MRPL48: variants seen among roughly 807,000 people sequenced by gnomAD.
MRPL48 encodes mitochondrial ribosomal protein L48.
A neutral mutation model predicts 32.9 loss-of-function variants in MRPL48; 16 were observed. That is an observed-to-expected ratio of 0.49 (90% CI 0.33 to 0.74). The LOEUF is 0.74. Among genes scored for constraint, MRPL48 ranks in the 30% least tolerant of loss-of-function variants. MRPL48 has a pLI of 0.02. For synonymous variants in MRPL48, 94 were observed against 89.2 expected (o/e 1.05, Z -0.31); for missense variants, 206 against 245.3 (o/e 0.84, Z 1.07).
At chr11:73,828,770 T>A (rs2444596) in intron 4 of MRPL48, among the ~76,000 whole-genome samples, 24 of 151,606 alleles carry the variant, frequency 1.6e-4, no homozygotes, top group Non-Finnish European at 2.2e-4. Flanking sequence ...TTTTTTTTTT[T>A]AAATACTAAG....
At chr11:73,826,743 G>A (rs958130580) in intron 4 of MRPL48, among the ~76,000 whole-genome samples, 1 of 150,414 alleles carries the variant, frequency 6.6e-6, no homozygotes, top group Admixed American at 6.7e-5. Flanking sequence ...ACCTCTGAAA[G>A]TGCTGGGATA....
intron 4 of MRPL48, among the ~76,000 whole-genome samples, chr11:73,826,313 G>T (rs1253967525): frequency 2.0e-5 from 3 of 151,788 alleles, no homozygotes; most frequent in Admixed American, 2.0e-4. Context: ...AGCCACCATG[G>T]CTGGCCTGAT....
chr11:73,825,282 ATATG>A (rs928397397), intron 3 of MRPL48, among the ~76,000 whole-genome samples: 5 of 97,344 alleles, frequency 5.1e-5, no homozygotes, highest in African/African-American at 1.7e-4. Flanking sequence ...TGTTTTTTAT[ATATG>A]TGTGTGTGTG....
intron 1 of MRPL48, among the ~76,000 whole-genome samples, chr11:73,793,560 A>G (rs1409698476): frequency 2.0e-5 from 3 of 152,200 alleles, no homozygotes; most frequent in African/African-American, 7.2e-5. Context: ...GATTTAGAGA[A>G]AATATATTCC....
rs1431036974 is a variant in MRPL48, at chr11:73,823,877, A to T, written c.113-1831A>T. On this transcript the variant is annotated intron_variant, in intron 3 of 7. Transcript: ENST00000310614. ...AAAGACCCCCCTTTTTTTTTTTGAG[A>T]CGGAGTCTGGGTCTGACACCCAGGC... is the stretch of plus-strand genomic sequence containing the variant. Among the ~76,000 whole-genome samples, 5 of 148,460 alleles carry T rather than the reference A, an allele frequency of 3.4e-5. No individual in the cohort carries two copies. In the East Asian group the frequency reaches 9.8e-4, roughly 29 times the overall value.
At chr11:73,801,740 A>G (rs1947366926) in intron 1 of MRPL48, among the ~76,000 whole-genome samples, 1 of 152,216 alleles carries the variant, frequency 6.6e-6, no homozygotes, top group South Asian at 2.1e-4. Context: ...GACTTTGGGT[A>G]GGTTACTTAA....
intron 1 of MRPL48, among the ~76,000 whole-genome samples, chr11:73,796,928 G>A (rs187208343): frequency 7.2e-5 from 11 of 152,304 alleles, no homozygotes; most frequent in Non-Finnish European, 1.3e-4. Flanking sequence ...TTAGCCGAGC[G>A]TGGTGGTGGG....
intron 3 of MRPL48, among the ~76,000 whole-genome samples, chr11:73,810,651 G>T (rs1947550590): frequency 6.6e-6 from 1 of 150,658 alleles, no homozygotes; most frequent in Non-Finnish European, 1.5e-5. Context: ...GTGGTTTACT[G>T]CACCCATCAA....
chr11:73,835,140 CTTTTTTTTTTTT>C (rs35448499), intron 4 of MRPL48, among the ~76,000 whole-genome samples: 1 of 108,476 alleles, frequency 9.2e-6, no homozygotes, highest in Non-Finnish European at 1.8e-5. Flanking sequence ...GCCATGTTGT[CTTTTTTTTTTTT>C]TTTTTTTTGA....
chr11:73,825,048 TTTTAATATAGTTA>T (rs755536569), intron 3 of MRPL48, among the ~76,000 whole-genome samples: 17 of 152,144 alleles, frequency 1.1e-4, no homozygotes, highest in Admixed American at 9.8e-4. Flanking sequence ...TAGAAAGAGG[TTTTAATATAGTTA>T]TTGTATGTTA....
At chr11:73,832,137 T>G (rs1214268898) in intron 4 of MRPL48, among the ~76,000 whole-genome samples, 1 of 152,046 alleles carries the variant, frequency 6.6e-6, no homozygotes, top group African/African-American at 2.4e-5. Context: ...GCAACATGAA[T>G]TTCTGTCACC....
chr11:73,817,176 A>G (rs1275730736), intron 3 of MRPL48, among the ~76,000 whole-genome samples: 2 of 152,138 alleles, frequency 1.3e-5, no homozygotes, highest in Non-Finnish European at 2.9e-5. Context: ...GGCACGTTAA[A>G]TGGCTATTGG....
chr11:73,794,227 T>TCTAC (rs764596681), intron 1 of MRPL48, among the ~76,000 whole-genome samples: 3 of 146,566 alleles, frequency 2.0e-5, no homozygotes, highest in Admixed American at 6.9e-5. Context: ...TATCTATCTA[T>TCTAC]CTAAACTATC....
chr11:73,816,524 G>A (rs1782344301), intron 3 of MRPL48, among the ~76,000 whole-genome samples: 2 of 151,980 alleles, frequency 1.3e-5, no homozygotes, highest in Admixed American at 6.6e-5. Flanking sequence ...AGAGAGCAAT[G>A]GCACGATCTT....
rs540001521 is a variant in MRPL48, at chr11:73,826,859, C to A, written c.201+1063C>A. 5.9e-5 allele frequency among the ~76,000 whole-genome samples: 9 copies of A among 151,464 alleles called. No homozygotes were observed. In the South Asian group the frequency reaches 1.9e-3, roughly 32 times the overall value. On this transcript the variant is annotated intron_variant, in intron 4 of 7. Transcript: ENST00000310614. ...TGGTGCGATCTCGGCTCACTGCAACCTCCACCTCCTGGGTTCAAACGATTC... is the reference window on the plus strand; with the variant it reads ...TGGTGCGATCTCGGCTCACTGCAACATCCACCTCCTGGGTTCAAACGATTC...
At position 73,864,667 on chromosome 11, in the gene MRPL48, T is replaced by C; in HGVS notation, c.*297T>C. The stretch of plus-strand genomic sequence containing the variant: ...CCTGTGGAGTATCTTTAAGAGATTC[T>C]ATATTCTGGCCAGGCACCGTGGTGC... On this transcript the variant is annotated 3_prime_UTR_variant, in exon 8 of 8. Transcript: ENST00000310614. 2.7e-6 allele frequency: 1 copy of C among 374,120 alleles called. No homozygotes were observed. Among genetic ancestry groups the C allele is most frequent in the Non-Finnish European group, 4.9e-6 (1 of 202,296 alleles). The allele number at this position is 374,120 out of a possible 1,614,324, so 23.2% of individuals were successfully genotyped here. A position where few individuals can be genotyped will look rare whatever the true frequency, so the allele number is the denominator to read the frequency against.
chr11:73,794,184 G>GTATC (rs56944899), intron 1 of MRPL48, among the ~76,000 whole-genome samples: 56,457 of 138,902 alleles, frequency 0.41, 11,359 homozygotes, highest in Middle Eastern at 0.55. Context: ...GTGAGACCCT[G>GTATC]TATCTATCTA....
intron 5 of MRPL48, among the ~76,000 whole-genome samples, chr11:73,845,989 A>G (rs1948279932): frequency 6.8e-6 from 1 of 146,912 alleles, no homozygotes. Flanking sequence ...AATCGCTTGA[A>G]TCCAGGAAGT....
intron 6 of MRPL48, among the ~76,000 whole-genome samples, chr11:73,861,412 C>T (rs1437551792): frequency 6.6e-6 from 1 of 152,096 alleles, no homozygotes; most frequent in Non-Finnish European, 1.5e-5. Flanking sequence ...CCTTGCTGCC[C>T]AGGCTGGAAG....
Sources: gnomAD v4.1 joint callset for allele counts (sites outside exome capture counted in the v4.1 genomes callset) on GRCh38, gnomAD v4.1.1 for gene constraint, MANE v1.5 for transcripts, NCBI Gene and HGNC (gene_info 2026-07-23, HGNC 2026-07-21) for gene names.